SCRIB: variants seen among roughly 807,000 people sequenced by gnomAD.
SCRIB encodes the protein protein scribble homolog.
A neutral mutation model predicts 170.0 loss-of-function variants in SCRIB; 72 were observed. The observed-to-expected ratio is 0.42, with a 90% CI of 0.35 to 0.52. The LOEUF (loss-of-function observed/expected upper bound fraction) is 0.52, where lower values mean the gene tolerates loss of function less well. SCRIB is among the 20% of genes least tolerant of loss of function. SCRIB has a pLI of 0.02. For missense variants in SCRIB, 2,475 were observed against 2,338.5 expected, an observed-to-expected ratio of 1.06 and a Z score of -1.20; for synonymous variants, 1,298 against 1,044.3, an observed-to-expected ratio of 1.24 and a Z score of -4.68.
chr8:143,809,811 C>G, intron 13 of SCRIB, 93 bp from the exon 14 acceptor site: 1 of 1,416,626 alleles, frequency 7.1e-7, no homozygotes, highest in Non-Finnish European at 9.6e-7. Context: ...CTTCCCTGAG[C>G]TTCCCGCTGC....
chr8:143,802,812 G>A (rs1015957036), intron 24 of SCRIB, among the ~76,000 whole-genome samples: 6 of 152,226 alleles, frequency 3.9e-5, no homozygotes, highest in Non-Finnish European at 8.8e-5. Flanking sequence ...CCAACTCCCC[G>A]TCTGGGCTTC....
Position 143,792,291 on chromosome 8 carries a change from G to T in SCRIB, c.4443C>A (p.Pro1481=). Residue 1481 remains proline (P), a synonymous_variant, in exon 32 of 37, where the codon CCC becomes CCA. Transcript: ENST00000356994. ...LRVQSPEPPA[P]ERALSPAELR... ...GCTCGGCAGGGGACAGGGCACGCTC[G>T]GGTGCCGGTGGCTCCGGACTCTGCA... 1.3e-6 allele frequency: 2 copies of T among 1,562,476 alleles called. No homozygotes were observed. The highest frequency in any genetic ancestry group is 2.3e-5 in the East Asian group (1 of 42,696).
intron 19 of SCRIB, 36 bp from the exon 20 acceptor site, chr8:143,805,050 G>A: frequency 1.9e-6 from 3 of 1,582,198 alleles, no homozygotes; most frequent in Non-Finnish European, 2.6e-6. Flanking sequence ...GGCTGCCGGT[G>A]AGGCTGGAGT....
Position 143,806,914 on chromosome 8 carries a change from C to T in SCRIB, c.2268+10G>A. ...GTGGCAGCGGAAAGGCCCTCCTAGG[C>T]AGTGCTCACCTCGTCGTCCCCCTTA... On this transcript the variant is annotated intron_variant, in intron 17 of 36. Coordinates refer to ENST00000356994, the MANE Select transcript of SCRIB (RefSeq NM_182706.5). 1.9e-6 allele frequency: 3 copies of T among 1,595,990 alleles called. No homozygotes were observed. Among genetic ancestry groups the T allele is most frequent in the Non-Finnish European group, 2.6e-6 (3 of 1,167,356 alleles).
rs983523632 is a variant in SCRIB at position 143,801,537 on chromosome 8, C to G, written c.3603+1846G>C. On this transcript the variant is annotated intron_variant, in intron 24 of 36. Transcript: ENST00000356994. Reference sequence around the variant, plus strand: ...TTTTGATTTTTGTAACTCAAAAGATCCCATTTTTTTAAAGGAAAAGATAAG... The same window carrying G: ...TTTTGATTTTTGTAACTCAAAAGATGCCATTTTTTTAAAGGAAAAGATAAG... Among the ~76,000 whole-genome samples, 38 of 152,148 alleles carry G rather than the reference C, an allele frequency of 2.5e-4. 1 individual carries two copies. Among genetic ancestry groups the G allele is most frequent in the Admixed American group, 2.5e-3 (38 of 15,282 alleles).
intron 1 of SCRIB, chr8:143,814,809 A>G (rs1035537138): frequency 7.4e-5 from 15 of 203,560 alleles, no homozygotes; most frequent in Admixed American, 5.9e-4. Flanking sequence ...CAAAGAGTAC[A>G]TCAAGAGGGC....
intron 24 of SCRIB, among the ~76,000 whole-genome samples, chr8:143,799,363 G>A (rs1815077703): frequency 6.6e-6 from 1 of 152,190 alleles, no homozygotes; most frequent in Admixed American, 6.5e-5. Context: ...GGGAGAGGTG[G>A]TCCTGACCAG....
At position 143,803,919 on chromosome 8, in the gene SCRIB, C is replaced by T. The variant is rs781839077; in HGVS notation, c.3142G>A (p.Ala1048Thr). The T allele has an allele frequency of 1.4e-5, 22 of 1,586,320 alleles. No homozygotes were observed. Among genetic ancestry groups the T allele is most frequent in the East Asian group, 6.8e-5 (3 of 44,026 alleles). Reference protein sequence around the residue: ...ISKVLPRGLAARSGLRVGDRI... With the variant: ...ISKVLPRGLATRSGLRVGDRI... ...TCCCCAACCCGCAGGCCGCTGCGAG[C>T]GGCCAGGCCCCGCGGGAGCACCTGT... The change falls in exon 23 of 37, where the codon GCT (alanine) becomes ACT (threonine). Residue 1048 changes from alanine (A) to threonine (T), a missense_variant. By Grantham distance (58) the Ala-to-Thr change is moderately conservative (BLOSUM62 0). Around this residue, in one of 3 missense-constraint regions of SCRIB, gnomAD observed 1,966 missense variants for 1,742.9 expected, o/e 1.13. Transcript: ENST00000356994.
chr8:143,799,319 T>C (rs1425134735), intron 24 of SCRIB, among the ~76,000 whole-genome samples: 1 of 152,200 alleles, frequency 6.6e-6, no homozygotes, highest in Non-Finnish European at 1.5e-5. Flanking sequence ...GGCAGTCTCT[T>C]CTGAAGTTTA....
rs201270116 is a variant in SCRIB at position 143,791,936 on chromosome 8, T to C, written c.4658-23A>G. 3.1e-4 allele frequency: 468 copies of C among 1,513,616 alleles called. 3 individuals carry two copies. In the East Asian group the frequency reaches 4.0e-3, roughly 13 times the overall value. 93.8% of individuals were successfully genotyped at this position (1,513,616 alleles called of 1,614,324 possible). A position where few individuals can be genotyped will look rare whatever the true frequency, so the allele number is the denominator to read the frequency against. On this transcript the variant is annotated intron_variant, in intron 33 of 36. Transcript: ENST00000356994. ...GGTCTGGGGGGACAAGAAGCGGGCA[T>C]TGGAAGCAGCCCATGCGGCAGGCTG... is the stretch of plus-strand genomic sequence containing the variant.
At chr8:143,805,718 T>C (rs557521662) in intron 18 of SCRIB, among the ~76,000 whole-genome samples, 36 of 152,276 alleles carry the variant, frequency 2.4e-4, no homozygotes, top group African/African-American at 6.0e-4. Flanking sequence ...AGGCCACACA[T>C]GGCCCCGCTC....
At chr8:143,812,685 G>C in intron 8 of SCRIB, 132 bp downstream of exon 8, 2 of 1,262,486 alleles carry the variant, frequency 1.6e-6, no homozygotes, top group Non-Finnish European at 2.2e-6. Flanking sequence ...CCCTCCCCAG[G>C]GACAGCTCCC....
At position 143,808,562 on chromosome 8, in the gene SCRIB, G is replaced by A. The variant is rs766287834; in HGVS notation, c.2115+47C>T. 14 of 1,485,772 alleles carry A rather than the reference G, an allele frequency of 9.4e-6. No individual in the cohort carries two copies. In the South Asian group the frequency reaches 1.5e-4, roughly 16 times the overall value. The allele number at this position is 1,485,772 out of a possible 1,614,324, so 92.0% of individuals were successfully genotyped here. A position where few individuals can be genotyped will look rare whatever the true frequency, so the allele number is the denominator to read the frequency against. ...TCCTGCCGCAGCCCTGGGTGCCCAGGAGGGCCAGGGGAATCTGGGTCAGGC... is the reference window on the plus strand; with the variant it reads ...TCCTGCCGCAGCCCTGGGTGCCCAGAAGGGCCAGGGGAATCTGGGTCAGGC... On this transcript the variant is annotated intron_variant, in intron 15 of 36. Transcript: ENST00000356994.
Position 143,809,592 on chromosome 8 carries a change from T to C in SCRIB, c.1657A>G (p.Thr553Ala). ...TCGGCGTCTTCCTCCCCGCCAGCAG[T>C]CGTGGCTTCCTGCTGGCTCCCACCC... ...AQGGSQQEAT[T>A]AGGEEDAEED... is the part of the protein sequence containing the mutation. Residue 553 changes from threonine to alanine, a missense_variant, in exon 14 of 37, where the codon ACT (threonine) becomes GCT (alanine). Transcript: ENST00000356994. 1 of 1,611,562 alleles carries C rather than the reference T, an allele frequency of 6.2e-7. No individual in the cohort carries two copies. Among genetic ancestry groups the C allele is most frequent in the Non-Finnish European group, 8.5e-7 (1 of 1,179,856 alleles).
intron 6 of SCRIB, 97 bp from the exon 7 acceptor site, chr8:143,813,201 G>A (rs573028046): frequency 2.8e-5 from 45 of 1,584,036 alleles, no homozygotes; most frequent in East Asian, 4.5e-5. Flanking sequence ...GCTCCCACCC[G>A]CCTGCCCTCC....
At chr8:143,805,077 G>C in intron 19 of SCRIB, 35 bp downstream of exon 19, 1 of 1,590,060 alleles carries the variant, frequency 6.3e-7, no homozygotes, top group South Asian at 1.1e-5. Context: ...GTCAGCTCTA[G>C]AGCAGCCCTC....
At chr8:143,813,964 C>T in intron 2 of SCRIB, 37 bp downstream of exon 2, 1 of 1,579,018 alleles carries the variant, frequency 6.3e-7, no homozygotes, top group Non-Finnish European at 8.6e-7. Context: ...AGCGGACACT[C>T]CCCAGACCCC....
At chr8:143,813,432 C>T (rs376237299) in intron 5 of SCRIB, 38 bp downstream of exon 5, 44 of 1,612,950 alleles carry the variant, frequency 2.7e-5, no homozygotes, top group Middle Eastern at 1.6e-4. Flanking sequence ...GGGCTGTGGC[C>T]CTGCCCTGGC....
intron 6 of SCRIB, 87 bp from the exon 7 acceptor site, chr8:143,813,191 G>C (rs1200392782): frequency 6.3e-6 from 10 of 1,583,032 alleles, no homozygotes; most frequent in Non-Finnish European, 7.8e-6. Flanking sequence ...CCCACACCCA[G>C]CTCCCACCCG....
Sources: allele counts gnomAD v4.1 joint callset (sites outside exome capture counted in the v4.1 genomes callset), GRCh38; gene constraint gnomAD v4.1.1; regional missense constraint gnomAD v4.1.1; transcripts MANE v1.5; gene names NCBI Gene and HGNC (gene_info 2026-07-23, HGNC 2026-07-21).